The following MYOCD variants were observed in gnomAD, a reference collection of about 807,000 sequenced individuals.
The protein encoded by MYOCD is myocardin.
MYOCD carries 32 observed loss-of-function variants against 96.1 expected under a neutral mutation model. The observed-to-expected ratio is 0.33, with a 90% CI of 0.25 to 0.45. The LOEUF is 0.45. MYOCD is among the 20% of genes least tolerant of loss of function. The pLI, the probability that MYOCD is intolerant of heterozygous loss-of-function variation, is 1.00. For synonymous variants in MYOCD, 469 were observed against 469.0 expected, an observed-to-expected ratio of 1.00 and a Z score of 0.00; for missense variants, 1,133 against 1,200.6, an observed-to-expected ratio of 0.94 and a Z score of 0.83.
chr17:12,670,054 A>G (rs1173467703), intron 1 of MYOCD, among the ~76,000 whole-genome samples: 1 of 152,150 alleles, frequency 6.6e-6, no homozygotes, highest in African/African-American at 2.4e-5. Flanking sequence ...TGGGTGAGGA[A>G]GAACATGGGA....
chr17:12,731,750 G>A (rs2032177666), intron 5 of MYOCD, among the ~76,000 whole-genome samples: 2 of 152,314 alleles, frequency 1.3e-5, no homozygotes, highest in South Asian at 2.1e-4. Context: ...AAATGCGTCT[G>A]ACTCCAGAAC....
At chr17:12,673,479 A>G (rs1909828213) in intron 1 of MYOCD, among the ~76,000 whole-genome samples, 2 of 152,226 alleles carry the variant, frequency 1.3e-5, no homozygotes, top group South Asian at 4.1e-4. Context: ...ACATAGCAAC[A>G]TAGTTTTTGC....
intron 1 of MYOCD, among the ~76,000 whole-genome samples, chr17:12,667,733 G>A (rs1009102175): frequency 6.6e-6 from 1 of 152,184 alleles, no homozygotes; most frequent in African/African-American, 2.4e-5. Context: ...CAGCTAAAGT[G>A]CAGTGGAGAG....
intron 12 of MYOCD, among the ~76,000 whole-genome samples, chr17:12,759,049 A>G (rs79440539): frequency 6.9e-6 from 1 of 145,738 alleles, no homozygotes; most frequent in South Asian, 2.1e-4. Context: ...ACTCCATCTC[A>G]AAAAAAAAAG....
intron 5 of MYOCD, among the ~76,000 whole-genome samples, chr17:12,726,418 T>C (rs575286218): frequency 1.5e-4 from 23 of 152,146 alleles, no homozygotes; most frequent in Non-Finnish European, 2.8e-4. Flanking sequence ...CCCTAGAGCT[T>C]TGTCATTCTC....
At position 12,717,398 on chromosome 17, in the gene MYOCD, TG is replaced by T. The variant is rs1295868035; in HGVS notation, c.232del (p.Val78LeufsTer20). On this transcript the variant is annotated frameshift_variant, in exon 4 of 14. Coordinates refer to ENST00000425538, the MANE Select transcript of MYOCD (RefSeq NM_001146312.3). LOFTEE classifies it high-confidence loss of function. Reference sequence around the variant, plus strand: ...AGAAACAGGTGCAACAGTGCCGACTTGGTTAATATGCACATACTCCAAGGTA... The same window carrying T: ...AGAAACAGGTGCAACAGTGCCGACTTGTTAATATGCACATACTCCAAGGTA... ...KARNRCNSAD[L>X]VNMHILQAST... 14 of 1,613,890 alleles carry T rather than the reference TG, an allele frequency of 8.7e-6. No homozygotes were observed. Among genetic ancestry groups the T allele is most frequent in the Non-Finnish European group, 1.1e-5 (13 of 1,179,890 alleles).
At chr17:12,694,881 C>CAAAAAAAA (rs201215491) in intron 1 of MYOCD, among the ~76,000 whole-genome samples, 1 of 69,644 alleles carries the variant, frequency 1.4e-5, no homozygotes. Flanking sequence ...AAGGAATAAC[C>CAAAAAAAA]AAAAAAAAAA....
At position 12,736,230 on chromosome 17, in the gene MYOCD, T is replaced by A. The variant is rs914879481; in HGVS notation, c.485T>A (p.Leu162His). 1.9e-6 allele frequency: 3 copies of A among 1,614,190 alleles called. No homozygotes were observed. In the Admixed American group the frequency reaches 5.0e-5, roughly 27 times the overall value. ...GAAGAGGACAGCAGCAGCGATGGGC[T>A]TTCTCCGGATCAGACTCGAAGTGAA... ...AFEEDSSSDG[L>H]SPDQTRSEDP... The change falls in exon 6 of 14, where the codon CTT (leucine) becomes CAT (histidine). Residue 162 changes from leucine to histidine, a missense_variant. Leu to His is a moderately conservative substitution (Grantham distance 99). Coordinates refer to ENST00000425538, the MANE Select transcript of MYOCD (RefSeq NM_001146312.3).
chr17:12,676,828 C>G (rs551380759), intron 1 of MYOCD, among the ~76,000 whole-genome samples: 1 of 152,148 alleles, frequency 6.6e-6, no homozygotes, highest in Non-Finnish European at 1.5e-5. Flanking sequence ...ATCCTGGCCT[C>G]CATCCTTATT....
chr17:12,678,867 T>C (rs1002364725), intron 1 of MYOCD, among the ~76,000 whole-genome samples: 13 of 138,986 alleles, frequency 9.4e-5, no homozygotes, highest in African/African-American at 3.6e-4. Flanking sequence ...GGCTAATTTT[T>C]TGTATTTTTT....
intron 1 of MYOCD, among the ~76,000 whole-genome samples, chr17:12,677,300 G>C (rs971084233): frequency 1.3e-5 from 2 of 151,992 alleles, no homozygotes; most frequent in African/African-American, 4.8e-5. Flanking sequence ...TAACTAATGG[G>C]TATTAGGCTT....
chr17:12,717,898 T>A (rs1255992879), intron 4 of MYOCD, among the ~76,000 whole-genome samples: 1 of 152,188 alleles, frequency 6.6e-6, no homozygotes, highest in African/African-American at 2.4e-5. Context: ...AGTTCTGCCT[T>A]AGGGTGCCAC....
chr17:12,758,851 C>G (rs1160947242), intron 12 of MYOCD, among the ~76,000 whole-genome samples: 1 of 152,098 alleles, frequency 6.6e-6, no homozygotes, highest in East Asian at 1.9e-4. Context: ...GAGTTTGAGA[C>G]CAGCCTGACC....
chr17:12,675,715 T>C (rs59281938), intron 1 of MYOCD, among the ~76,000 whole-genome samples: 21,138 of 152,068 alleles, frequency 0.14, 2,968 homozygotes, highest in African/African-American at 0.36. Context: ...AAAATTAGCC[T>C]GGCACTGGTG....
rs1297799674 is a variant in MYOCD at position 12,719,627 on chromosome 17, C to T, written c.253+2206C>T. On this transcript the variant is annotated intron_variant, in intron 4 of 13. Transcript: ENST00000425538. ...TAGCACTTTGGGAGGCCGAGGCGGG[C>T]GGATCACCTGAGGTCAGGAGTTTGA... Among the ~76,000 whole-genome samples the T allele has an allele frequency of 8.8e-5, 13 of 147,774 alleles. No individual in the cohort carries two copies. In the East Asian group the frequency reaches 1.6e-3, roughly 18 times the overall value.
intron 1 of MYOCD, among the ~76,000 whole-genome samples, chr17:12,702,615 T>C (rs1450500964): frequency 6.6e-6 from 1 of 152,022 alleles, no homozygotes; most frequent in African/African-American, 2.4e-5. Flanking sequence ...ATACTTTTTG[T>C]TCCTATATTC....
At chr17:12,673,985 A>G (rs1875325896) in intron 1 of MYOCD, among the ~76,000 whole-genome samples, 1 of 152,088 alleles carries the variant, frequency 6.6e-6, no homozygotes, top group South Asian at 2.1e-4. Flanking sequence ...GTGGTCTGCT[A>G]TTTAGGGACC....
At chr17:12,753,392 G>A (rs1437825475) in intron 10 of MYOCD, 46 bp downstream of exon 10, 12 of 1,497,416 alleles carry the variant, frequency 8.0e-6, no homozygotes, top group Non-Finnish European at 1.1e-5. Context: ...CTTTCTGGAA[G>A]TGGGTTACAA....
At chr17:12,718,969 T>A (rs2031730722) in intron 4 of MYOCD, among the ~76,000 whole-genome samples, 1 of 151,624 alleles carries the variant, frequency 6.6e-6, no homozygotes, top group African/African-American at 2.4e-5. Context: ...AGGTCAGGAA[T>A]TCAAGACCAG....
Sources: allele counts gnomAD v4.1 joint callset (sites outside exome capture counted in the v4.1 genomes callset), GRCh38; gene constraint gnomAD v4.1.1; transcripts MANE v1.5; gene names NCBI Gene and HGNC (gene_info 2026-07-23, HGNC 2026-07-21).